Variants in CSMD1 observed in about 807,000 individuals in gnomAD.
The protein encoded by CSMD1 is CUB and sushi domain-containing protein 1.
Under a neutral mutation model 417.5 loss-of-function variants are expected in CSMD1, and 213 were observed. That is an observed-to-expected ratio of 0.51 (90% CI 0.46 to 0.57). CSMD1 has a LOEUF of 0.57. Ranked by LOEUF, CSMD1 falls within the 20% of genes least tolerant of loss-of-function variation. The pLI, the probability that CSMD1 is intolerant of heterozygous loss-of-function variation, is 0.00. For synonymous variants in CSMD1, 2,862 were observed against 1,736.8 expected (o/e 1.65, Z -16.11); for missense variants, 6,923 against 4,529.7 (o/e 1.53, Z -15.17).
In CSMD1 at chr8:4,204,141, T is replaced by C. The variant is rs147159443; in HGVS notation, c.416-172042A>G. ...ACCTAAAACTTAAAGGATCTGTCAG[T>C]TTTCAAGTCCTGAAATTCATTGACT... is the stretch of plus-strand genomic sequence containing the variant. On this transcript the variant is annotated intron_variant, in intron 3 of 69. Transcript: ENST00000635120. Among the ~76,000 whole-genome samples, 251 of 152,170 alleles carry C rather than the reference T, an allele frequency of 1.6e-3. 1 individual carries two copies. Among genetic ancestry groups the C allele is most frequent in the African/African-American group, 5.7e-3 (236 of 41,526 alleles).
intron 3 of CSMD1, among the ~76,000 whole-genome samples, chr8:4,376,081 T>A (rs1041055391): frequency 6.6e-6 from 1 of 152,158 alleles, no homozygotes; most frequent in Non-Finnish European, 1.5e-5. Flanking sequence ...TTTCCATAAT[T>A]TAATATATCA....
intron 2 of CSMD1, among the ~76,000 whole-genome samples, chr8:4,438,587 G>A (rs1419089301): frequency 1.3e-5 from 2 of 152,132 alleles, no homozygotes; most frequent in Non-Finnish European, 2.9e-5. Flanking sequence ...GCCCTGCACA[G>A]TCACATTGTG....
chr8:4,921,840 C>T (rs999512710), intron 1 of CSMD1, among the ~76,000 whole-genome samples: 8 of 152,104 alleles, frequency 5.3e-5, no homozygotes, highest in African/African-American at 1.7e-4. Flanking sequence ...TTCAAGGGAA[C>T]GTTACTCAAT....
chr8:3,379,898 T>C (rs1810528998), intron 18 of CSMD1, among the ~76,000 whole-genome samples: 1 of 151,800 alleles, frequency 6.6e-6, no homozygotes, highest in Admixed American at 6.6e-5. Context: ...AATAGACAAA[T>C]GGGATATAAT....
At chr8:3,717,766 G>C (rs1322456129) in intron 6 of CSMD1, among the ~76,000 whole-genome samples, 4 of 152,236 alleles carry the variant, frequency 2.6e-5, no homozygotes, top group Admixed American at 2.0e-4. Context: ...TCTTTGAACA[G>C]TTTTCCTAAG....
intron 1 of CSMD1, among the ~76,000 whole-genome samples, chr8:4,719,653 A>G (rs1191036156): frequency 6.6e-6 from 1 of 152,198 alleles, no homozygotes; most frequent in Non-Finnish European, 1.5e-5. Flanking sequence ...CAAAAGCTAA[A>G]TTTCCATTTA....
chr8:4,853,448 C>T (rs1585165), intron 1 of CSMD1, among the ~76,000 whole-genome samples: 41,966 of 152,068 alleles, frequency 0.28, 6,041 homozygotes, highest in Non-Finnish European at 0.32. Context: ...AGCTTCAACA[C>T]AGTGTGATAT....
At chr8:4,415,799 A>C (rs1796901333) in intron 3 of CSMD1, among the ~76,000 whole-genome samples, 1 of 152,198 alleles carries the variant, frequency 6.6e-6, no homozygotes, top group Non-Finnish European at 1.5e-5. Flanking sequence ...ACACGTGTTT[A>C]CATGTATGTG....
chr8:3,692,285 T>C (rs1228874943), intron 7 of CSMD1, among the ~76,000 whole-genome samples: 1 of 152,008 alleles, frequency 6.6e-6, no homozygotes, highest in Non-Finnish European at 1.5e-5. Flanking sequence ...CCACCACAAT[T>C]TGTATACACC....
chr8:3,126,112 G>A (rs1271979127), intron 41 of CSMD1, among the ~76,000 whole-genome samples: 3 of 152,186 alleles, frequency 2.0e-5, no homozygotes, highest in Non-Finnish European at 4.4e-5. Context: ...GCCTGGTTGT[G>A]CCAATACGGG....
At chr8:4,555,511 T>G (rs1798050555) in intron 2 of CSMD1, among the ~76,000 whole-genome samples, 1 of 152,126 alleles carries the variant, frequency 6.6e-6, no homozygotes, top group African/African-American at 2.4e-5. Flanking sequence ...GGCCACTTGG[T>G]TTTCTACTCT....
At chr8:4,568,118 A>T (rs2617063) in intron 2 of CSMD1, among the ~76,000 whole-genome samples, 1 of 152,222 alleles carries the variant, frequency 6.6e-6, no homozygotes, top group Non-Finnish European at 1.5e-5. Context: ...TCAAAAGCAC[A>T]TTCACATCTA....
intron 1 of CSMD1, among the ~76,000 whole-genome samples, chr8:4,892,799 T>C (rs1470681313): frequency 6.6e-6 from 1 of 152,150 alleles, no homozygotes; most frequent in African/African-American, 2.4e-5. Context: ...ATCTACCTTG[T>C]AGATGGGAAC....
chr8:3,845,503 A>G (rs907739146), intron 5 of CSMD1, among the ~76,000 whole-genome samples: 6 of 152,214 alleles, frequency 3.9e-5, no homozygotes, highest in Non-Finnish European at 8.8e-5. Context: ...ACACCTGTAC[A>G]GGGTACTTGC....
chr8:4,209,097 C>T (rs943152831), intron 3 of CSMD1, among the ~76,000 whole-genome samples: 4 of 152,144 alleles, frequency 2.6e-5, no homozygotes, highest in South Asian at 2.1e-4. Flanking sequence ...CACCCTTGCT[C>T]GCTGATGATT....
At chr8:2,972,142 T>C (rs954971418) in intron 57 of CSMD1, among the ~76,000 whole-genome samples, 4 of 152,052 alleles carry the variant, frequency 2.6e-5, no homozygotes, top group African/African-American at 4.8e-5. Flanking sequence ...GATTATATAA[T>C]ATAGATAGAT....
intron 30 of CSMD1, among the ~76,000 whole-genome samples, chr8:3,212,664 C>G (rs28620724): frequency 0.012 from 1,796 of 151,892 alleles, 43 homozygotes; most frequent in African/African-American, 0.041. Flanking sequence ...TAAGTTCTTA[C>G]TCTGTGCCAG....
intron 42 of CSMD1, among the ~76,000 whole-genome samples, chr8:3,118,137 C>A (rs1035622776): frequency 1.3e-4 from 20 of 152,158 alleles, no homozygotes; most frequent in Admixed American, 1.1e-3. Context: ...TCCTTCCCTG[C>A]AGCTCAGTAT....
At position 4,670,387 on chromosome 8, in the gene CSMD1, A is replaced by G. The variant is rs117904141; in HGVS notation, c.86-32829T>C. On this transcript the variant is annotated intron_variant, in intron 1 of 69. Coordinates refer to ENST00000635120, the MANE Select transcript of CSMD1 (RefSeq NM_033225.6). ...TAATAATGAAATACATGTTCTCCTA[A>G]TAAGTGAAGTCATGGGAAAGAAAAT... Among the ~76,000 whole-genome samples, 529 of 152,226 alleles carry G rather than the reference A, an allele frequency of 3.5e-3. 2 individuals carry two copies. Among genetic ancestry groups the G allele is most frequent in the Admixed American group, 5.1e-3 (78 of 15,280 alleles).
Sources: allele counts gnomAD v4.1 joint callset (sites outside exome capture counted in the v4.1 genomes callset), GRCh38; gene constraint gnomAD v4.1.1; transcripts MANE v1.5; gene names NCBI Gene and HGNC (gene_info 2026-07-23, HGNC 2026-07-21).